Variants in GPC5 observed in about 807,000 individuals in gnomAD.
The protein encoded by GPC5 is glypican-5.
A neutral mutation model predicts 53.9 loss-of-function variants in GPC5; 47 were observed. The observed-to-expected ratio is 0.87, with a 90% confidence interval of 0.69 to 1.11. The LOEUF (loss-of-function observed/expected upper bound fraction) is 1.11. Ranked by LOEUF, GPC5 falls within the 50% of genes most tolerant of loss-of-function variation. The pLI, the probability that GPC5 is intolerant of heterozygous loss-of-function variation, is 0.00. For missense variants in GPC5, 748 were observed against 713.1 expected, an observed-to-expected ratio of 1.05 and a Z score of -0.56; for synonymous variants, 286 against 263.3, an observed-to-expected ratio of 1.09 and a Z score of -0.84.
At chr13:92,533,899 A>C (rs977035258) in intron 7 of GPC5, among the ~76,000 whole-genome samples, 2 of 152,150 alleles carry the variant, frequency 1.3e-5, no homozygotes, top group African/African-American at 2.4e-5. Flanking sequence ...ACTTTCACAC[A>C]AGTTAGATTT....
At chr13:92,579,963 G>A (rs547879262) in intron 7 of GPC5, among the ~76,000 whole-genome samples, 1 of 152,110 alleles carries the variant, frequency 6.6e-6, no homozygotes, top group Non-Finnish European at 1.5e-5. Flanking sequence ...AAATGAGAAA[G>A]CAAGCATATA....
At chr13:92,090,247 T>A (rs2041369382) in intron 6 of GPC5, among the ~76,000 whole-genome samples, 1 of 152,176 alleles carries the variant, frequency 6.6e-6, no homozygotes, top group Non-Finnish European at 1.5e-5. Flanking sequence ...TATTGCCATT[T>A]TTGAAAACCA....
At chr13:92,223,315 C>T (rs2042462629) in intron 7 of GPC5, among the ~76,000 whole-genome samples, 1 of 152,118 alleles carries the variant, frequency 6.6e-6, no homozygotes, top group Non-Finnish European at 1.5e-5. Flanking sequence ...AAAATATTCC[C>T]ACCCTATTCT....
intron 6 of GPC5, among the ~76,000 whole-genome samples, chr13:92,079,311 A>G (rs558818844): frequency 3.6e-4 from 55 of 152,022 alleles, no homozygotes; most frequent in Non-Finnish European, 6.9e-4. Flanking sequence ...CGGCCTCCCA[A>G]TGTCTTGTGA....
At chr13:91,479,123 G>A (rs1883168745) in intron 2 of GPC5, among the ~76,000 whole-genome samples, 3 of 151,312 alleles carry the variant, frequency 2.0e-5, no homozygotes, top group African/African-American at 7.3e-5. Context: ...GTGTTGCCCA[G>A]GGTGGCCTCG....
At chr13:92,431,893 A>C (rs1351127248) in intron 7 of GPC5, among the ~76,000 whole-genome samples, 2 of 152,198 alleles carry the variant, frequency 1.3e-5, no homozygotes, top group Admixed American at 6.5e-5. Flanking sequence ...AAATAGTGTC[A>C]GTGATGAATT....
At chr13:91,702,550 T>C (rs2036015546) in intron 3 of GPC5, among the ~76,000 whole-genome samples, 1 of 152,110 alleles carries the variant, frequency 6.6e-6, no homozygotes, top group Non-Finnish European at 1.5e-5. Flanking sequence ...TTATTATAAC[T>C]TTGTAGTATA....
At chr13:92,457,477 G>A (rs1419761112) in intron 7 of GPC5, among the ~76,000 whole-genome samples, 1 of 151,860 alleles carries the variant, frequency 6.6e-6, no homozygotes, top group Non-Finnish European at 1.5e-5. Flanking sequence ...CCACTGAAGG[G>A]CAAAATTGTC....
chr13:91,782,947 TA>T (rs760978163), intron 5 of GPC5, among the ~76,000 whole-genome samples: 1 of 151,952 alleles, frequency 6.6e-6, no homozygotes, highest in South Asian at 2.1e-4. Flanking sequence ...TTAAGAAAAA[TA>T]AAAGTTTTTT....
chr13:91,543,340 A>G (rs919914544), intron 2 of GPC5, among the ~76,000 whole-genome samples: 2 of 152,156 alleles, frequency 1.3e-5, no homozygotes, highest in African/African-American at 2.4e-5. Context: ...ATATAATCTT[A>G]CATCAAGGTA....
At chr13:92,215,674 A>T (rs544084533) in intron 7 of GPC5, among the ~76,000 whole-genome samples, 1 of 152,312 alleles carries the variant, frequency 6.6e-6, no homozygotes, top group Admixed American at 6.5e-5. Flanking sequence ...TGAAGCCTTC[A>T]CCTAGGGATG....
At chr13:92,348,337 G>A (rs1166122033) in intron 7 of GPC5, among the ~76,000 whole-genome samples, 1 of 151,772 alleles carries the variant, frequency 6.6e-6, no homozygotes, top group African/African-American at 2.4e-5. Flanking sequence ...AGACGCATAA[G>A]AACATCATAT....
At chr13:92,043,534 A>T (rs555928177) in intron 6 of GPC5, among the ~76,000 whole-genome samples, 123 of 152,332 alleles carry the variant, frequency 8.1e-4, no homozygotes, top group African/African-American at 2.7e-3. Flanking sequence ...GTATCAGTGA[A>T]TTGGAAGTCT....
intron 6 of GPC5, among the ~76,000 whole-genome samples, chr13:92,029,573 G>A (rs1053033464): frequency 6.6e-6 from 1 of 152,156 alleles, no homozygotes; most frequent in African/African-American, 2.4e-5. Context: ...AGTGTTTCCA[G>A]CTTTTGATGG....
chr13:91,548,678 G>A (rs1433674901), intron 2 of GPC5, among the ~76,000 whole-genome samples: 1 of 152,162 alleles, frequency 6.6e-6, no homozygotes, highest in Non-Finnish European at 1.5e-5. Context: ...CGAAGTTGGA[G>A]GACTGACACT....
chr13:92,015,317 TCTAA>T (rs1480347294), intron 6 of GPC5, among the ~76,000 whole-genome samples: 14 of 152,306 alleles, frequency 9.2e-5, no homozygotes, highest in East Asian at 1.9e-4. Context: ...GTGATATGGT[TCTAA>T]CTGTCTAAGG....
chr13:92,179,537 T>A (rs1013005487), intron 7 of GPC5, among the ~76,000 whole-genome samples: 23 of 152,234 alleles, frequency 1.5e-4, no homozygotes, highest in Non-Finnish European at 2.8e-4. Context: ...CACTATGCTA[T>A]TGAACTAATA....
At chr13:92,378,783 G>A (rs558128239) in intron 7 of GPC5, among the ~76,000 whole-genome samples, 1 of 152,178 alleles carries the variant, frequency 6.6e-6, no homozygotes, top group South Asian at 2.1e-4. Context: ...TAAGCACTGG[G>A]ATATTTTTTC....
At chr13:92,020,399 T>C (rs2040747342) in intron 6 of GPC5, among the ~76,000 whole-genome samples, 1 of 152,164 alleles carries the variant, frequency 6.6e-6, no homozygotes, top group African/African-American at 2.4e-5. Context: ...AAGAGACAAA[T>C]TAATCTATAG....
Sources: allele counts gnomAD v4.1 joint callset (sites outside exome capture counted in the v4.1 genomes callset), GRCh38; gene constraint gnomAD v4.1.1; transcripts MANE v1.5; gene names NCBI Gene and HGNC (gene_info 2026-07-23, HGNC 2026-07-21).